Variants in ARFGEF1 observed in about 807,000 individuals in gnomAD.
The protein encoded by ARFGEF1 is brefeldin A-inhibited guanine nucleotide-exchange protein 1.
Under a neutral mutation model 231.0 loss-of-function variants are expected in ARFGEF1, and 42 were observed. That is an observed-to-expected ratio of 0.18 (90% CI 0.14 to 0.24). The LOEUF is 0.24. Among genes scored for constraint, ARFGEF1 ranks in the 10% least tolerant of loss-of-function variants. ARFGEF1 has a pLI of 1.00. For missense variants in ARFGEF1, 1,345 were observed against 2,192.0 expected (o/e 0.61, Z 7.72); for synonymous variants, 710 against 732.3 (o/e 0.97, Z 0.49).
rs34333039 is a variant in ARFGEF1 at position 67,244,242 on chromosome 8, CAAAAAA to C, written c.2851-3958_2851-3953del. Among the ~76,000 whole-genome samples the C allele has an allele frequency of 3.3e-3, 66 of 20,094 alleles. 2 individuals are homozygous for C. The highest frequency in any genetic ancestry group is 9.3e-3 in the African/African-American group (64 of 6,890). The allele number at this position is 20,094 out of a possible 152,430, so 13.2% of individuals were successfully genotyped here. A position where few individuals can be genotyped will look rare whatever the true frequency, so the allele number is the denominator to read the frequency against. On this transcript the variant is annotated intron_variant, in intron 19 of 38. Transcript: ENST00000262215. ...TGGGCGACAAAGCGAGACTCCACCT[CAAAAAA>C]AAAAAAAAAAAAAAAAAAAACATTC... is the stretch of plus-strand genomic sequence containing the variant.
intron 13 of ARFGEF1, 71 bp from the exon 14 acceptor site, chr8:67,266,278 T>A: frequency 7.9e-7 from 1 of 1,265,338 alleles, no homozygotes; most frequent in Non-Finnish European, 1.1e-6. Context: ...GCAAACAAAT[T>A]CTTGAATAAG....
At chr8:67,177,273 C>T (rs1831920053) in intron 5 of ARFGEF1, among the ~76,000 whole-genome samples, 1 of 152,072 alleles carries the variant, frequency 6.6e-6, no homozygotes, top group African/African-American at 2.4e-5. Flanking sequence ...GATACCTGAT[C>T]CAAGATCTTT....
intron 7 of ARFGEF1, among the ~76,000 whole-genome samples, chr8:67,283,765 A>G (rs1805635197): frequency 6.6e-6 from 1 of 152,214 alleles, no homozygotes; most frequent in Admixed American, 6.5e-5. Flanking sequence ...TCATAGAGAA[A>G]TGCACATTAA....
At chr8:67,310,973 G>GCCCC (rs1806995741) in intron 1 of ARFGEF1, among the ~76,000 whole-genome samples, 1 of 11,848 alleles carries the variant, frequency 8.4e-5, no homozygotes, top group South Asian at 2.7e-3. Flanking sequence ...GGTGGGGCCC[G>GCCCC]GGAGGGAGGT....
intron 7 of ARFGEF1, among the ~76,000 whole-genome samples, chr8:67,284,387 A>C (rs577248165): frequency 6.6e-6 from 1 of 152,342 alleles, no homozygotes; most frequent in African/African-American, 2.4e-5. Flanking sequence ...GGATCAGAGA[A>C]GGAAGGAGCT....
intron 33 of ARFGEF1, among the ~76,000 whole-genome samples, chr8:67,214,424 C>A (rs1482166792): frequency 6.6e-6 from 1 of 152,042 alleles, no homozygotes; most frequent in Non-Finnish European, 1.5e-5. Context: ...TAGTACAATG[C>A]AAGAAGAAGA....
chr8:67,194,578 G>A (rs909086614), downstream of ARFGEF1, among the ~76,000 whole-genome samples: 4 of 151,998 alleles, frequency 2.6e-5, no homozygotes, highest in Non-Finnish European at 5.9e-5. Context: ...ATCTTTTTCA[G>A]AAGGTTTTTA....
chr8:67,246,991 C>G (rs1399658396), intron 19 of ARFGEF1, among the ~76,000 whole-genome samples: 2 of 149,958 alleles, frequency 1.3e-5, no homozygotes, highest in Admixed American at 1.3e-4. Context: ...ACTGGAAAAT[C>G]TAAAGGAAAT....
intron 35 of ARFGEF1, among the ~76,000 whole-genome samples, chr8:67,203,657 C>T (rs979948974): frequency 2.0e-5 from 3 of 152,264 alleles, no homozygotes; most frequent in Non-Finnish European, 2.9e-5. Flanking sequence ...CCAGCGGGCT[C>T]GGTGCTAGCC....
chr8:67,198,009 A>C lies in ARFGEF1; in HGVS notation c.*925T>G. ...ACATCAAGCCCCACCACCCAAAAGA[A>C]AAGAAAATGACAGCAATCTGGATTC... On this transcript the variant is annotated 3_prime_UTR_variant, in exon 39 of 39. Transcript: ENST00000262215. The C allele has an allele frequency of 3.0e-6, 3 of 985,902 alleles. No individual in the cohort carries two copies. The highest frequency in any genetic ancestry group is 3.6e-6 in the Non-Finnish European group (3 of 829,948). 61.1% of individuals were successfully genotyped at this position (985,902 alleles called of 1,614,324 possible). A position where few individuals can be genotyped will look rare whatever the true frequency, so the allele number is the denominator to read the frequency against.
intron 7 of ARFGEF1, among the ~76,000 whole-genome samples, chr8:67,286,040 A>G (rs1199450994): frequency 6.6e-6 from 1 of 152,208 alleles, no homozygotes; most frequent in African/African-American, 2.4e-5. Context: ...ACTGAAAAAT[A>G]TATGTATATT....
chr8:67,337,569 C>A (rs990388125), intron 1 of ARFGEF1, among the ~76,000 whole-genome samples: 5 of 151,794 alleles, frequency 3.3e-5, no homozygotes, highest in African/African-American at 1.2e-4. Flanking sequence ...CCCCTCCCAT[C>A]TTTCTCTCTG....
At position 67,198,819 on chromosome 8, in the gene ARFGEF1, C is replaced by T; in HGVS notation, c.*115G>A. Reference sequence around the variant, plus strand: ...GAGTAAGACTTCTAAGCATCTTTACCAGTAACTCAGACACTGCAATCCAGA... The same window carrying T: ...GAGTAAGACTTCTAAGCATCTTTACTAGTAACTCAGACACTGCAATCCAGA... On this transcript the variant is annotated 3_prime_UTR_variant, in exon 39 of 39. Transcript: ENST00000262215. 6.7e-7 allele frequency: 1 copy of T among 1,489,032 alleles called. No homozygotes were observed. The allele number at this position is 1,489,032 out of a possible 1,614,324, so 92.2% of individuals were successfully genotyped here. A position where few individuals can be genotyped will look rare whatever the true frequency, so the allele number is the denominator to read the frequency against.
At chr8:67,307,526 AG>A (rs1259947256) in intron 1 of ARFGEF1, among the ~76,000 whole-genome samples, 4 of 152,220 alleles carry the variant, frequency 2.6e-5, no homozygotes, top group Non-Finnish European at 5.9e-5. Flanking sequence ...TAGGAAGAAA[AG>A]GGGTTTTGGC....
At chr8:67,252,730 C>T (rs1018360094) in intron 18 of ARFGEF1, among the ~76,000 whole-genome samples, 4 of 152,108 alleles carry the variant, frequency 2.6e-5, no homozygotes, top group Non-Finnish European at 5.9e-5. Context: ...GGGCTGGGTT[C>T]ACAGTTGCCT....
chr8:67,248,885 A>G (rs190047557), intron 19 of ARFGEF1, among the ~76,000 whole-genome samples: 1 of 150,808 alleles, frequency 6.6e-6, no homozygotes, highest in Admixed American at 6.6e-5. Context: ...ATGCTTTGTC[A>G]AATTATGACA....
At chr8:67,292,562 C>G (rs576601936) in intron 5 of ARFGEF1, among the ~76,000 whole-genome samples, 14 of 152,106 alleles carry the variant, frequency 9.2e-5, no homozygotes, top group Non-Finnish European at 1.5e-4. Flanking sequence ...TCTTATGTCA[C>G]CTTGTCAAAT....
chr8:67,316,665 G>A (rs1176501970), intron 1 of ARFGEF1, among the ~76,000 whole-genome samples: 1 of 151,994 alleles, frequency 6.6e-6, no homozygotes, highest in Non-Finnish European at 1.5e-5. Context: ...TTGCCATGTT[G>A]CTCAGGCTGG....
intron 22 of ARFGEF1, 23 bp downstream of exon 22, chr8:67,238,320 T>C: frequency 2.5e-6 from 4 of 1,574,210 alleles, no homozygotes; most frequent in Non-Finnish European, 3.4e-6. Flanking sequence ...AAACAATTTT[T>C]GATACTTTGT....
Sources: allele counts gnomAD v4.1 joint callset (sites outside exome capture counted in the v4.1 genomes callset), GRCh38; gene constraint gnomAD v4.1.1; transcripts MANE v1.5; gene names NCBI Gene and HGNC (gene_info 2026-07-23, HGNC 2026-07-21).